SYNDIG1: variants seen among roughly 807,000 people sequenced by gnomAD.
SYNDIG1 encodes synapse differentiation inducing 1, also known as synapse differentiation-inducing gene protein 1.
SYNDIG1 carries 9 observed loss-of-function variants against 19.4 expected under a neutral mutation model. The ratio of observed to expected loss-of-function variants is 0.46; its 90% CI spans 0.28 to 0.81. The LOEUF (loss-of-function observed/expected upper bound fraction) is 0.81, where lower values mean the gene tolerates loss of function less well. SYNDIG1 is among the 30% of genes least tolerant of loss of function. The pLI, the probability that SYNDIG1 is intolerant of heterozygous loss-of-function variation, is 0.12. For synonymous variants in SYNDIG1, 141 were observed against 145.9 expected (o/e 0.97, Z 0.24); for missense variants, 311 against 343.3 (o/e 0.91, Z 0.74).
intron 1 of SYNDIG1, among the ~76,000 whole-genome samples, chr20:24,525,620 GAAGA>G (rs2057108313): frequency 1.3e-5 from 2 of 152,198 alleles, no homozygotes; most frequent in Middle Eastern, 3.4e-3. Flanking sequence ...TTTTTGAAAG[GAAGA>G]AAGAGAGAGA....
chr20:24,650,702 G>T (rs577507723), intron 3 of SYNDIG1, among the ~76,000 whole-genome samples: 2 of 152,200 alleles, frequency 1.3e-5, no homozygotes, highest in African/African-American at 4.8e-5. Context: ...TGCAGTATGC[G>T]TGGAAATGGA....
intron 1 of SYNDIG1, among the ~76,000 whole-genome samples, chr20:24,496,922 C>G (rs1192309204): frequency 6.6e-6 from 1 of 152,122 alleles, no homozygotes; most frequent in Non-Finnish European, 1.5e-5. Flanking sequence ...ATGCCTTCCC[C>G]CTCAAAATCC....
At chr20:24,562,634 C>T (rs980125941) in intron 2 of SYNDIG1, among the ~76,000 whole-genome samples, 5 of 152,156 alleles carry the variant, frequency 3.3e-5, no homozygotes, top group Admixed American at 1.3e-4. Context: ...TCATTTTCCT[C>T]TGAAACAATG....
At chr20:24,572,363 C>T (rs763262183) in intron 2 of SYNDIG1, among the ~76,000 whole-genome samples, 10 of 152,176 alleles carry the variant, frequency 6.6e-5, no homozygotes, top group Non-Finnish European at 1.5e-4. Flanking sequence ...AGAGACTGGG[C>T]GGGAGGCTCC....
intron 3 of SYNDIG1, among the ~76,000 whole-genome samples, chr20:24,622,798 G>T (rs2059059116): frequency 6.6e-6 from 1 of 152,052 alleles, no homozygotes. Context: ...TAAAATCATG[G>T]CCAAGAATAT....
At chr20:24,631,774 T>C (rs1162692292) in intron 3 of SYNDIG1, among the ~76,000 whole-genome samples, 6 of 152,190 alleles carry the variant, frequency 3.9e-5, no homozygotes, top group Non-Finnish European at 8.8e-5. Flanking sequence ...ATATAATAAG[T>C]ATATACACTT....
At chr20:24,510,569 CAAAA>C (rs372050983) in intron 1 of SYNDIG1, among the ~76,000 whole-genome samples, 3 of 67,920 alleles carry the variant, frequency 4.4e-5, no homozygotes, top group African/African-American at 5.7e-5. Flanking sequence ...AACTTGATCT[CAAAA>C]AAAAAAAAAA....
chr20:24,622,141 G>A (rs892801286), intron 3 of SYNDIG1, among the ~76,000 whole-genome samples: 2 of 152,226 alleles, frequency 1.3e-5, no homozygotes, highest in African/African-American at 4.8e-5. Context: ...AGACGTTGAT[G>A]GAAGAGGTAG....
intron 2 of SYNDIG1, among the ~76,000 whole-genome samples, chr20:24,549,047 T>A (rs2057649287): frequency 6.6e-6 from 1 of 152,200 alleles, no homozygotes; most frequent in Non-Finnish European, 1.5e-5. Context: ...TATCTCAAAC[T>A]TTGATCATTG....
At chr20:24,500,515 T>TTTC (rs1187408103) in intron 1 of SYNDIG1, among the ~76,000 whole-genome samples, 2 of 107,616 alleles carry the variant, frequency 1.9e-5, no homozygotes, top group Admixed American at 1.9e-4. Flanking sequence ...TCTTTCTTTC[T>TTTC]TTCTTTCTTT....
chr20:24,587,451 C>T (rs2058435436), intron 3 of SYNDIG1, among the ~76,000 whole-genome samples: 1 of 152,220 alleles, frequency 6.6e-6, no homozygotes, highest in African/African-American at 2.4e-5. Flanking sequence ...TGGAAACAAG[C>T]AGCCCTGCAC....
intron 1 of SYNDIG1, among the ~76,000 whole-genome samples, chr20:24,537,678 C>T (rs1338412215): frequency 2.0e-5 from 3 of 152,126 alleles, no homozygotes; most frequent in African/African-American, 2.4e-5. Flanking sequence ...GTGGGTTCAT[C>T]GGGGATCCCT....
intron 3 of SYNDIG1, among the ~76,000 whole-genome samples, chr20:24,638,311 C>G (rs980442673): frequency 2.0e-5 from 3 of 152,128 alleles, no homozygotes; most frequent in African/African-American, 7.2e-5. Context: ...ATATTAAGAA[C>G]AGCAATGTGG....
At chr20:24,481,525 T>G (rs960642065) in intron 1 of SYNDIG1, among the ~76,000 whole-genome samples, 1 of 152,204 alleles carries the variant, frequency 6.6e-6, no homozygotes. Context: ...CTGAACCGTC[T>G]CCACAGCCAC....
At chr20:24,596,288 A>AT (rs910040706) in intron 3 of SYNDIG1, among the ~76,000 whole-genome samples, 7 of 152,070 alleles carry the variant, frequency 4.6e-5, no homozygotes, top group Admixed American at 2.0e-4. Context: ...CCTTGCATTG[A>AT]TTTTTTAAAA....
intron 1 of SYNDIG1, among the ~76,000 whole-genome samples, chr20:24,538,563 G>C (rs976028094): frequency 5.3e-5 from 8 of 152,078 alleles, no homozygotes; most frequent in African/African-American, 1.9e-4. Context: ...CTATGAACAT[G>C]GCATGCAAGT....
intron 3 of SYNDIG1, among the ~76,000 whole-genome samples, chr20:24,652,120 A>G (rs1330848468): frequency 6.6e-6 from 1 of 152,202 alleles, no homozygotes; most frequent in African/African-American, 2.4e-5. Context: ...TAATTAGAAG[A>G]GTCACTGCTC....
intron 1 of SYNDIG1, among the ~76,000 whole-genome samples, chr20:24,532,030 G>T (rs1302164925): frequency 1.3e-5 from 2 of 152,148 alleles, no homozygotes. Flanking sequence ...CTACTATGTT[G>T]TCACTTTGTG....
intron 1 of SYNDIG1, among the ~76,000 whole-genome samples, chr20:24,531,679 T>TAG (rs984956325): frequency 2.0e-5 from 3 of 152,016 alleles, no homozygotes; most frequent in African/African-American, 7.2e-5. Context: ...TCTTCATGGA[T>TAG]AGGACCATGT....
Sources: allele counts gnomAD v4.1 joint callset (sites outside exome capture counted in the v4.1 genomes callset), GRCh38; gene constraint gnomAD v4.1.1; transcripts MANE v1.5; gene names NCBI Gene and HGNC (gene_info 2026-07-23, HGNC 2026-07-21).